Variants in SUCLG2 observed in about 807,000 individuals in gnomAD.
The protein encoded by SUCLG2 is succinate--CoA ligase [GDP-forming] subunit beta, mitochondrial.
In SUCLG2, 42 loss-of-function variants were observed where a neutral mutation model predicts 47.9. The observed-to-expected ratio is 0.88, with a 90% CI of 0.69 to 1.14. SUCLG2 has a LOEUF of 1.14. Among genes scored for constraint, SUCLG2 ranks in the 50% most tolerant of loss-of-function variants. The pLI is 0.00. For missense variants in SUCLG2, 571 were observed against 525.9 expected, an observed-to-expected ratio of 1.09 and a Z score of -0.84; for synonymous variants, 195 against 197.3, an observed-to-expected ratio of 0.99 and a Z score of 0.10.
intron 9 of SUCLG2, among the ~76,000 whole-genome samples, chr3:67,479,728 A>G (rs1257848637): frequency 6.6e-6 from 1 of 152,236 alleles, no homozygotes; most frequent in Non-Finnish European, 1.5e-5. Context: ...ACAAAAATGA[A>G]TTAGATCTAC....
intron 2 of SUCLG2, among the ~76,000 whole-genome samples, chr3:67,608,803 G>C (rs530077668): frequency 6.6e-6 from 1 of 151,784 alleles, no homozygotes; most frequent in African/African-American, 2.4e-5. Context: ...AAAGCCTCCA[G>C]AGTAGCTAGG....
chr3:67,423,901 C>A (rs557208177), intron 9 of SUCLG2, among the ~76,000 whole-genome samples: 130 of 152,244 alleles, frequency 8.5e-4, no homozygotes, highest in African/African-American at 3.0e-3. Flanking sequence ...TAGGTCCTGA[C>A]CAATAACAGG....
At chr3:67,511,235 T>G (rs889397149) in intron 6 of SUCLG2, among the ~76,000 whole-genome samples, 1 of 152,180 alleles carries the variant, frequency 6.6e-6, no homozygotes, top group African/African-American at 2.4e-5. Flanking sequence ...TCCTAAAAAG[T>G]GAAAATTATC....
chr3:67,635,680 T>A (rs553114765), intron 1 of SUCLG2, among the ~76,000 whole-genome samples: 2 of 152,276 alleles, frequency 1.3e-5, no homozygotes, highest in Non-Finnish European at 2.9e-5. Flanking sequence ...TGCTTAGGGA[T>A]CCTGAACTCT....
intron 2 of SUCLG2, among the ~76,000 whole-genome samples, chr3:67,555,800 G>A (rs1015879290): frequency 2.0e-5 from 3 of 152,194 alleles, no homozygotes; most frequent in Admixed American, 6.5e-5. Context: ...AGCCAAGACT[G>A]GTGGGTGGAA....
intron 9 of SUCLG2, among the ~76,000 whole-genome samples, chr3:67,486,231 C>G (rs555246503): frequency 1.3e-5 from 2 of 152,170 alleles, no homozygotes; most frequent in East Asian, 3.9e-4. Flanking sequence ...CACCACTACA[C>G]TCCAGCCTGG....
intron 9 of SUCLG2, among the ~76,000 whole-genome samples, chr3:67,426,845 T>C (rs958254770): frequency 3.3e-5 from 5 of 152,134 alleles, no homozygotes; most frequent in African/African-American, 1.2e-4. Flanking sequence ...GGGAATCACT[T>C]GAACCCTGGA....
At chr3:67,613,262 C>T (rs892852584) in intron 1 of SUCLG2, among the ~76,000 whole-genome samples, 2 of 152,148 alleles carry the variant, frequency 1.3e-5, no homozygotes, top group African/African-American at 4.8e-5. Flanking sequence ...CAGTCACAAT[C>T]CTGAAGCTAC....
At chr3:67,447,666 G>A (rs1382568028) in intron 9 of SUCLG2, among the ~76,000 whole-genome samples, 1 of 152,194 alleles carries the variant, frequency 6.6e-6, no homozygotes, top group African/African-American at 2.4e-5. Context: ...TTTGCCAATG[G>A]AAAAGAAAGT....
chr3:67,619,007 C>T (rs536534033), intron 1 of SUCLG2, among the ~76,000 whole-genome samples: 7 of 152,236 alleles, frequency 4.6e-5, no homozygotes, highest in Non-Finnish European at 7.4e-5. Context: ...TTATCTAAGG[C>T]CTCTAGCAGT....
intron 1 of SUCLG2, among the ~76,000 whole-genome samples, chr3:67,630,176 A>G (rs79428921): frequency 0.067 from 10,256 of 152,284 alleles, 431 homozygotes; most frequent in South Asian, 0.17. Flanking sequence ...GTGAAAAAAA[A>G]AACTCCTTAA....
intron 9 of SUCLG2, among the ~76,000 whole-genome samples, chr3:67,478,516 A>C (rs757180063): frequency 3.3e-5 from 5 of 152,224 alleles, no homozygotes; most frequent in Non-Finnish European, 7.3e-5. Context: ...AAAATGGAAA[A>C]CTAATATGCA....
chr3:67,600,984 C>CA (rs1305713192), intron 2 of SUCLG2, among the ~76,000 whole-genome samples: 1 of 152,014 alleles, frequency 6.6e-6, no homozygotes, highest in Non-Finnish European at 1.5e-5. Flanking sequence ...CCTAATATGC[C>CA]AATACAGAGA....
At chr3:67,452,716 C>T (rs1046905320) in intron 9 of SUCLG2, among the ~76,000 whole-genome samples, 1 of 152,134 alleles carries the variant, frequency 6.6e-6, no homozygotes, top group Non-Finnish European at 1.5e-5. Flanking sequence ...CTAAATCCAA[C>T]CCAAGACACT....
At chr3:67,633,193 G>A (rs1575831958) in intron 1 of SUCLG2, among the ~76,000 whole-genome samples, 1 of 152,128 alleles carries the variant, frequency 6.6e-6, no homozygotes, top group Non-Finnish European at 1.5e-5. Context: ...TGTTTTTAAG[G>A]TTATTCAAAA....
chr3:67,390,289 T>C (rs943857184), intron 10 of SUCLG2, among the ~76,000 whole-genome samples: 1 of 152,204 alleles, frequency 6.6e-6, no homozygotes, highest in African/African-American at 2.4e-5. Context: ...AGCCCACATT[T>C]TAAAGATTCT....
At chr3:67,425,414 G>A (rs1171099356) in intron 9 of SUCLG2, among the ~76,000 whole-genome samples, 2 of 152,262 alleles carry the variant, frequency 1.3e-5, no homozygotes, top group South Asian at 2.1e-4. Context: ...GGGTGTCTGA[G>A]AGTGTTTCCA....
chr3:67,485,798 C>T (rs188511709), intron 9 of SUCLG2, among the ~76,000 whole-genome samples: 16 of 152,318 alleles, frequency 1.1e-4, no homozygotes, highest in African/African-American at 3.8e-4. Flanking sequence ...CGTTGAAAAA[C>T]TAAAATTTCC....
At chr3:67,590,055 T>C (rs1342976358) in intron 2 of SUCLG2, among the ~76,000 whole-genome samples, 1 of 152,192 alleles carries the variant, frequency 6.6e-6, no homozygotes, top group Non-Finnish European at 1.5e-5. Flanking sequence ...TTTGTCCTTC[T>C]GCCTCTGGTC....
Sources: allele counts gnomAD v4.1 joint callset (sites outside exome capture counted in the v4.1 genomes callset), GRCh38; gene constraint gnomAD v4.1.1; transcripts MANE v1.5; gene names NCBI Gene and HGNC (gene_info 2026-07-23, HGNC 2026-07-21).